EML4: variants seen among roughly 807,000 people sequenced by gnomAD.
EML4 encodes EMAP like 4.
A neutral mutation model predicts 129.0 loss-of-function variants in EML4; 72 were observed. The observed-to-expected ratio is 0.56, with a 90% CI of 0.46 to 0.68. EML4 has a LOEUF of 0.68. EML4 is among the 30% of genes least tolerant of loss of function. The pLI, the probability that EML4 is intolerant of heterozygous loss-of-function variation, is 0.00. For synonymous variants in EML4, 532 were observed against 405.0 expected (o/e 1.31, Z -3.77); for missense variants, 1,363 against 1,190.6 (o/e 1.14, Z -2.13).
chr2:42,223,458 G>A (rs934592386), intron 1 of EML4, among the ~76,000 whole-genome samples: 8 of 152,156 alleles, frequency 5.3e-5, no homozygotes, highest in African/African-American at 1.9e-4. Context: ...GACATGCTTT[G>A]AAGTAGCTGA....
intron 1 of EML4, among the ~76,000 whole-genome samples, chr2:42,183,553 G>C (rs1370082505): frequency 2.6e-5 from 4 of 152,146 alleles, no homozygotes; most frequent in African/African-American, 9.7e-5. Context: ...CTTAGTCACT[G>C]TATCTGATTT....
At chr2:42,203,930 TC>T (rs1441318354) in intron 1 of EML4, among the ~76,000 whole-genome samples, 3 of 152,000 alleles carry the variant, frequency 2.0e-5, no homozygotes, top group East Asian at 1.9e-4. Flanking sequence ...CCTTTCTTTT[TC>T]CCCCAAAGAG....
intron 6 of EML4, among the ~76,000 whole-genome samples, chr2:42,277,879 T>C (rs1010945510): frequency 2.6e-5 from 4 of 152,192 alleles, no homozygotes; most frequent in Non-Finnish European, 5.9e-5. Flanking sequence ...AGCAAACCTT[T>C]TAATCTGACT....
chr2:42,326,242 T>C lies in EML4; in HGVS notation c.2331T>C (p.Phe777=), dbSNP rs1669805304. 1 of 1,610,476 alleles carries C rather than the reference T, an allele frequency of 6.2e-7. No individual in the cohort carries two copies. Among genetic ancestry groups the C allele is most frequent in the Non-Finnish European group, 8.5e-7 (1 of 1,178,018 alleles). Reference sequence around the variant, plus strand: ...CGACATATACCTGTGTGCTAGGATTTCAAGTATTTGGTAAGGAAATGACAC... The same window carrying C: ...CGACATATACCTGTGTGCTAGGATTCCAAGTATTTGGTAAGGAAATGACAC... ...DWTTYTCVLG[F]QVFGVWPEGS... Residue 777 remains phenylalanine, a synonymous_variant, in exon 21 of 23, where the codon TTT becomes TTC. Transcript: ENST00000318522.
chr2:42,216,061 A>C (rs1011957571), intron 1 of EML4, among the ~76,000 whole-genome samples: 3 of 151,598 alleles, frequency 2.0e-5, no homozygotes. Context: ...CTGAGACTAC[A>C]GGCACCCAAC....
chr2:42,195,871 A>C (rs914155877), intron 1 of EML4, among the ~76,000 whole-genome samples: 1 of 152,200 alleles, frequency 6.6e-6, no homozygotes, highest in Non-Finnish European at 1.5e-5. Context: ...TATTAAAGTT[A>C]ATTATTTTTC....
intron 1 of EML4, among the ~76,000 whole-genome samples, chr2:42,213,600 A>G (rs184481037): frequency 7.2e-5 from 11 of 152,322 alleles, no homozygotes; most frequent in Non-Finnish European, 1.2e-4. Context: ...TTCAGATTGC[A>G]GATGTGTGCC....
At chr2:42,264,869 G>A (rs1558555224) in intron 6 of EML4, 138 bp downstream of exon 6, 2 of 1,538,090 alleles carry the variant, frequency 1.3e-6, no homozygotes, top group Middle Eastern at 1.7e-4. Flanking sequence ...AGTCATTTAG[G>A]AAAAAACCCA....
intron 3 of EML4, 61 bp from the exon 4 acceptor site, chr2:42,261,060 C>A (rs1472886776): frequency 2.4e-6 from 3 of 1,268,976 alleles, no homozygotes; most frequent in Non-Finnish European, 3.3e-6. Context: ...ACTTTTCTAT[C>A]GTTTGATTTT....
intron 1 of EML4, among the ~76,000 whole-genome samples, chr2:42,173,898 G>C (rs1277755988): frequency 6.6e-6 from 1 of 152,130 alleles, no homozygotes; most frequent in Non-Finnish European, 1.5e-5. Context: ...TTATTATTAA[G>C]CCTAAGTACC....
intron 17 of EML4, among the ~76,000 whole-genome samples, chr2:42,305,133 G>A (rs181403509): frequency 1.6e-4 from 25 of 152,036 alleles, no homozygotes; most frequent in Admixed American, 7.9e-4. Flanking sequence ...ATAATAAGGC[G>A]AGTTGCAGTA....
chr2:42,171,950 C>T (rs961389234), intron 1 of EML4, among the ~76,000 whole-genome samples: 1 of 152,072 alleles, frequency 6.6e-6, no homozygotes, highest in Admixed American at 6.6e-5. Context: ...TGTTTCTGTT[C>T]TCTGCAGTTA....
chr2:42,186,201 A>G (rs547723667), intron 1 of EML4, among the ~76,000 whole-genome samples: 60 of 152,314 alleles, frequency 3.9e-4, no homozygotes, highest in African/African-American at 1.2e-3. Flanking sequence ...TATAATTGCC[A>G]CAGAAAAATA....
intron 1 of EML4, among the ~76,000 whole-genome samples, chr2:42,226,853 C>G (rs1199146638): frequency 6.6e-6 from 1 of 151,828 alleles, no homozygotes; most frequent in Non-Finnish European, 1.5e-5. Context: ...TAAATATATA[C>G]AACTTTTACT....
chr2:42,269,778 C>T (rs1666266916), intron 6 of EML4, among the ~76,000 whole-genome samples: 2 of 152,122 alleles, frequency 1.3e-5, no homozygotes, highest in African/African-American at 2.4e-5. Flanking sequence ...GGTCATTCAT[C>T]ATAGAGTACA....
At chr2:42,185,785 A>G (rs1671213776) in intron 1 of EML4, among the ~76,000 whole-genome samples, 1 of 152,142 alleles carries the variant, frequency 6.6e-6, no homozygotes, top group Admixed American at 6.6e-5. Flanking sequence ...CGTACTGGGG[A>G]GAATGAATTG....
intron 6 of EML4, among the ~76,000 whole-genome samples, chr2:42,273,473 CTG>C (rs1462891963): frequency 1.3e-5 from 2 of 152,078 alleles, no homozygotes; most frequent in Non-Finnish European, 2.9e-5. Context: ...AGGTGGGTAA[CTG>C]TAAGTTGGCT....
intron 1 of EML4, among the ~76,000 whole-genome samples, chr2:42,214,144 C>G (rs1402111810): frequency 6.6e-6 from 1 of 152,104 alleles, no homozygotes; most frequent in East Asian, 1.9e-4. Flanking sequence ...TCTGTTAACT[C>G]TTTCTTAAGA....
chr2:42,170,655 G>A (rs760928245), intron 1 of EML4, among the ~76,000 whole-genome samples: 2 of 152,254 alleles, frequency 1.3e-5, no homozygotes, highest in African/African-American at 4.8e-5. Context: ...AAGTTCAACT[G>A]TTAGAATGGT....
Sources: gnomAD v4.1 joint callset for allele counts (sites outside exome capture counted in the v4.1 genomes callset) on GRCh38, gnomAD v4.1.1 for gene constraint, MANE v1.5 for transcripts, NCBI Gene and HGNC (gene_info 2026-07-23, HGNC 2026-07-21) for gene names.